Variants in LAMC1 observed in about 807,000 individuals in gnomAD.
LAMC1 encodes laminin subunit gamma-1.
In LAMC1, 38 loss-of-function variants were observed where a neutral mutation model predicts 173.6. That is an observed-to-expected ratio of 0.22 (90% CI 0.17 to 0.29). The LOEUF (loss-of-function observed/expected upper bound fraction) is 0.29, where lower values mean the gene tolerates loss of function less well. LAMC1 is among the 10% of genes least tolerant of loss of function. LAMC1 has a pLI of 1.00. For missense variants in LAMC1, 1,824 were observed against 2,051.8 expected (o/e 0.89, Z 2.14); for synonymous variants, 746 against 749.1 (o/e 1.00, Z 0.07).
chr1:183,129,270 A>T (rs1354289786), intron 18 of LAMC1, among the ~76,000 whole-genome samples: 1 of 151,736 alleles, frequency 6.6e-6, no homozygotes, highest in African/African-American at 2.4e-5. Context: ...TTGTATTTTG[A>T]GTAGAGATGG....
intron 1 of LAMC1, among the ~76,000 whole-genome samples, chr1:183,052,697 C>A (rs1285578272): frequency 1.3e-5 from 2 of 152,146 alleles, no homozygotes; most frequent in African/African-American, 4.8e-5. Context: ...CCCTTCCTCT[C>A]CCTCACCTTA....
At chr1:183,130,668 G>A in intron 19 of LAMC1, 119 bp downstream of exon 19, 1 of 756,136 alleles carries the variant, frequency 1.3e-6, no homozygotes. Context: ...CTTTTTATTT[G>A]TCCCTAAATA....
chr1:183,110,374 C>T lies in LAMC1; in HGVS notation c.855-114C>T, dbSNP rs2296291. Reference sequence around the variant, plus strand: ...CCATTACTTAATCTTGCTCAGTTCCCCAGTTTACACTTTTGAATGGTAAAA... The same window carrying T: ...CCATTACTTAATCTTGCTCAGTTCCTCAGTTTACACTTTTGAATGGTAAAA... On this transcript the variant is annotated intron_variant, in intron 3 of 27. Transcript: ENST00000258341. 0.56 allele frequency: 410,340 copies of T among 735,432 alleles called. 116,817 individuals are homozygous for T. Among genetic ancestry groups the T allele is most frequent in the South Asian group, 0.65 (26,975 of 41,726 alleles). The allele number at this position is 735,432 out of a possible 1,614,324, so 45.6% of individuals were successfully genotyped here. A position where few individuals can be genotyped will look rare whatever the true frequency, so the allele number is the denominator to read the frequency against.
At chr1:183,057,273 A>G (rs1469945906) in intron 1 of LAMC1, among the ~76,000 whole-genome samples, 4 of 152,224 alleles carry the variant, frequency 2.6e-5, no homozygotes, top group Non-Finnish European at 5.9e-5. Context: ...CAAAGGCACA[A>G]TGATGTCTGT....
chr1:183,132,876 T>G (rs1362997505), intron 21 of LAMC1, among the ~76,000 whole-genome samples: 1 of 152,198 alleles, frequency 6.6e-6, no homozygotes, highest in African/African-American at 2.4e-5. Context: ...TAAGAAAGTA[T>G]ATGGTAAGCC....
chr1:183,144,302 TTTTG>T lies in LAMC1; in HGVS notation c.*1516_*1519del, dbSNP rs776572885. On this transcript the variant is annotated 3_prime_UTR_variant, in exon 28 of 28. Transcript: ENST00000258341. ...TATATTTTTGTGTGAATGTTTTGTG[TTTTG>T]TTTATCATGATTATAGAATAAGGAA... 1 of 152,598 alleles carries T rather than the reference TTTTG, an allele frequency of 6.6e-6. No individual in the cohort carries two copies. The highest frequency in any genetic ancestry group is 2.4e-5 in the African/African-American group (1 of 41,428). 9.5% of individuals were successfully genotyped at this position (152,598 alleles called of 1,614,324 possible). A position where few individuals can be genotyped will look rare whatever the true frequency, so the allele number is the denominator to read the frequency against.
In LAMC1 at chr1:183,114,577, A is replaced by G. The variant is rs761918166; in HGVS notation, c.1068A>G (p.Glu356=). The change falls in exon 5 of 28, where the codon GAA becomes GAG. Residue 356 remains glutamate (E), a synonymous_variant. Transcript: ENST00000258341. ...CCCAGGAATGCTACTTCGACCCTGA[A>G]CTCTATCGTTCCACTGGCCATGGGG... is the stretch of plus-strand genomic sequence containing the variant. ...GRSQECYFDP[E]LYRSTGHGGH... The G allele has an allele frequency of 6.2e-7, 1 of 1,613,992 alleles. No homozygotes were observed. Among genetic ancestry groups the G allele is most frequent in the South Asian group, 1.1e-5 (1 of 91,062 alleles).
chr1:183,106,273 A>G (rs1040927363), intron 2 of LAMC1, among the ~76,000 whole-genome samples: 31 of 152,242 alleles, frequency 2.0e-4, no homozygotes, highest in African/African-American at 7.5e-4. Context: ...TGTAGAAGAT[A>G]TAATAAGCAT....
chr1:183,092,099 C>T (rs1289602926), intron 1 of LAMC1, among the ~76,000 whole-genome samples: 1 of 152,058 alleles, frequency 6.6e-6, no homozygotes, highest in Non-Finnish European at 1.5e-5. Context: ...GAGTGAGTAC[C>T]CCTGTTGACT....
intron 1 of LAMC1, among the ~76,000 whole-genome samples, chr1:183,024,398 T>C (rs1653626104): frequency 1.3e-5 from 2 of 152,264 alleles, no homozygotes; most frequent in African/African-American, 4.8e-5. Flanking sequence ...CTCTGATTAT[T>C]CTGCATTTCG....
chr1:183,108,363 A>G lies in LAMC1; in HGVS notation c.811A>G (p.Lys271Glu), dbSNP rs780205817. 6.2e-7 allele frequency: 1 copy of G among 1,613,664 alleles called. No individual in the cohort carries two copies. The highest frequency in any genetic ancestry group is 1.3e-5 in the African/African-American group (1 of 75,052). Reference sequence around the variant, plus strand: ...AGTGTTTAACGATCCCAAAGTTCTCAAGTCCTATTATTATGCCATCTCTGA... The same window carrying G: ...AGTGTTTAACGATCCCAAAGTTCTCGAGTCCTATTATTATGCCATCTCTGA... ...DEVFNDPKVLKSYYYAISDFA... is the reference protein window; with the variant it reads ...DEVFNDPKVLESYYYAISDFA... Residue 271 changes from lysine (K) to glutamate (E), a missense_variant, in exon 3 of 28, where the codon AAG (lysine) becomes GAG (glutamate). Transcript: ENST00000258341.
intron 1 of LAMC1, among the ~76,000 whole-genome samples, chr1:183,088,043 C>G (rs1232482805): frequency 6.6e-6 from 1 of 152,040 alleles, no homozygotes; most frequent in African/African-American, 2.4e-5. Flanking sequence ...GAACTCCTGA[C>G]CTCAGGTGAT....
chr1:183,143,044 AT>A lies in LAMC1; in HGVS notation c.*257del. ...TACCTTACCCACACTTTCCCTTCTG[AT>A]TTGCGTGAGGACGTGGCATCCTACG... On this transcript the variant is annotated 3_prime_UTR_variant, in exon 28 of 28. Transcript: ENST00000258341. 2.4e-6 allele frequency: 1 copy of A among 423,176 alleles called. No homozygotes were observed. The highest frequency in any genetic ancestry group is 4.3e-6 in the Non-Finnish European group (1 of 232,426). The allele number at this position is 423,176 out of a possible 1,614,324, so 26.2% of individuals were successfully genotyped here.
chr1:183,127,350 G>A lies in LAMC1; in HGVS notation c.3069G>A (p.Arg1023=). 1 of 1,614,160 alleles carries A rather than the reference G, an allele frequency of 6.2e-7. No homozygotes were observed. Among genetic ancestry groups the A allele is most frequent in the East Asian group, 2.2e-5 (1 of 44,880 alleles). ...DQCEENYFYN[R]SWPGCQECPA... is the part of the protein sequence containing the mutation. The stretch of plus-strand genomic sequence containing the variant: ...GTGAAGAAAACTATTTCTACAATCG[G>A]TCTTGGCCTGGCTGCCAGGAATGTC... Residue 1023 remains arginine (R), a synonymous_variant, in exon 17 of 28, where the codon CGG becomes CGA. Coordinates refer to ENST00000258341, the MANE Select transcript of LAMC1 (RefSeq NM_002293.4).
At chr1:183,114,411 C>T in intron 4 of LAMC1, 120 bp from the exon 5 acceptor site, 3 of 998,238 alleles carry the variant, frequency 3.0e-6, no homozygotes, top group Non-Finnish European at 4.7e-6. Flanking sequence ...GGTAATCATT[C>T]TTAGTCTACC....
intron 14 of LAMC1, chr1:183,125,193 G>T: frequency 1.6e-6 from 1 of 608,922 alleles, no homozygotes; most frequent in East Asian, 2.8e-5. Flanking sequence ...CTCACGCTAA[G>T]CCTTCAAAAT....
chr1:183,070,386 T>C (rs1654981513), intron 1 of LAMC1, among the ~76,000 whole-genome samples: 2 of 152,162 alleles, frequency 1.3e-5, no homozygotes, highest in South Asian at 4.1e-4. Context: ...GTCCTGGCTC[T>C]TTAGGCATCT....
chr1:183,115,692 A>C, intron 6 of LAMC1, 55 bp downstream of exon 6: 1 of 1,117,002 alleles, frequency 9.0e-7, no homozygotes, highest in Non-Finnish European at 1.4e-6. Flanking sequence ...TAGTCAACAC[A>C]TATTAATAGA....
rs1571404307 is a variant in LAMC1 at position 183,041,958 on chromosome 1, A to G, written c.418+17824A>G. Among the ~76,000 whole-genome samples, 3 of 152,328 alleles carry G rather than the reference A, an allele frequency of 2.0e-5. No homozygotes were observed. In the South Asian group the frequency reaches 6.2e-4, roughly 32 times the overall value. On this transcript the variant is annotated intron_variant, in intron 1 of 27. Coordinates refer to ENST00000258341, the MANE Select transcript of LAMC1 (RefSeq NM_002293.4). ...TCCCATGATGGAATTTGCCTTGTAG[A>G]TAGGGTTTTTAAAATTGATCAGGCA...
Sources: allele counts gnomAD v4.1 joint callset (sites outside exome capture counted in the v4.1 genomes callset), GRCh38; gene constraint gnomAD v4.1.1; transcripts MANE v1.5; gene names NCBI Gene and HGNC (gene_info 2026-07-23, HGNC 2026-07-21).